Variants in TMEM144 observed in about 807,000 individuals in gnomAD.
TMEM144 encodes the protein transmembrane protein 144.
TMEM144 carries 39 observed loss-of-function variants against 43.6 expected under a neutral mutation model. The observed-to-expected ratio is 0.90, with a 90% confidence interval of 0.69 to 1.17. The LOEUF (loss-of-function observed/expected upper bound fraction) is 1.17, where lower values mean the gene tolerates loss of function less well. TMEM144 is among the 50% of genes most tolerant of loss of function. The pLI, the probability that TMEM144 is intolerant of heterozygous loss-of-function variation, is 0.00. For synonymous variants in TMEM144, 154 were observed against 133.6 expected (o/e 1.15, Z -1.06); for missense variants, 417 against 411.9 (o/e 1.01, Z -0.11).
In TMEM144 at chr4:158,246,844, TTTATATTAAAGCATTTGAAAATTA is replaced by T. The variant is rs1318968133; in HGVS notation, c.954+2498_954+2521del. Among the ~76,000 whole-genome samples the T allele has an allele frequency of 2.6e-5, 4 of 151,994 alleles. No homozygotes were observed. The East Asian group carries it at 7.7e-4, about 29-fold the overall frequency. ...TGAAGAAGTACAAACCAAGTATAGATTTATATTAAAGCATTTGAAAATTATTTTGGTCATGACTACAATAATAAT... is the reference window on the plus strand; with the variant it reads ...TGAAGAAGTACAAACCAAGTATAGATTTTTGGTCATGACTACAATAATAAT... On this transcript the variant is annotated intron_variant, in intron 12 of 12. Transcript: ENST00000296529.
chr4:158,241,607 G>C lies in TMEM144; in HGVS notation c.900+1G>C. The C allele has an allele frequency of 2.5e-6, 4 of 1,612,600 alleles. No individual in the cohort carries two copies. The highest frequency in any genetic ancestry group is 3.4e-6 in the Non-Finnish European group (4 of 1,178,790). ...GGTCAGTTTTCCAATAATCACTGCTGTAAGTAGCTGAACTGGTTTTCCTAA... is the reference window on the plus strand; with the variant it reads ...GGTCAGTTTTCCAATAATCACTGCTCTAAGTAGCTGAACTGGTTTTCCTAA... On this transcript the variant is annotated splice_donor_variant, in intron 11 of 12. Coordinates refer to ENST00000296529, the MANE Select transcript of TMEM144 (RefSeq NM_018342.5). LOFTEE classifies it high-confidence loss of function.
rs1735769934 is a variant in TMEM144 at position 158,244,282 on chromosome 4, T to C, written c.901-14T>C. 1.3e-6 allele frequency: 2 copies of C among 1,559,706 alleles called. No individual in the cohort carries two copies. Among genetic ancestry groups the C allele is most frequent in the Admixed American group, 1.8e-5 (1 of 55,420 alleles). ...AAATATCCAATTTAATTAAAATTTATATTTTTATTTAAGGGTCCAGGATTT... is the reference window on the plus strand; with the variant it reads ...AAATATCCAATTTAATTAAAATTTACATTTTTATTTAAGGGTCCAGGATTT... On this transcript the variant is annotated splice_polypyrimidine_tract_variant and intron_variant, in intron 11 of 12. Transcript: ENST00000296529.
In TMEM144 at chr4:158,235,461, C is replaced by G; in HGVS notation, c.519C>G (p.Pro173=). The stretch of plus-strand genomic sequence containing the variant: ...AGGTGATCAACACAACCCAAGACCC[C>G]TGTTCCTGGGTGGATAAACTTTCTA... The part of the protein sequence containing the change: ...TEHVINTTQD[P]CSWVDKLSTV... Residue 173 remains proline, a synonymous_variant, in exon 8 of 13, where the codon CCC becomes CCG. Coordinates refer to ENST00000296529, the MANE Select transcript of TMEM144 (RefSeq NM_018342.5). The G allele has an allele frequency of 6.2e-7, 1 of 1,614,022 alleles. No individual in the cohort carries two copies. Among genetic ancestry groups the G allele is most frequent in the Non-Finnish European group, 8.5e-7 (1 of 1,179,922 alleles).
intron 6 of TMEM144, among the ~76,000 whole-genome samples, chr4:158,229,598 A>G (rs1315619278): frequency 6.6e-6 from 1 of 152,132 alleles, no homozygotes; most frequent in South Asian, 2.1e-4. Context: ...CTACTGGAGG[A>G]AAGGCTAACT....
chr4:158,228,778 C>T (rs922860706), intron 6 of TMEM144, among the ~76,000 whole-genome samples: 3 of 152,154 alleles, frequency 2.0e-5, no homozygotes, highest in African/African-American at 7.2e-5. Flanking sequence ...GCAGACAAAA[C>T]TCCTCAGACA....
Position 158,242,876 on chromosome 4 carries a change from T to G in TMEM144, c.900+1270T>G, listed in dbSNP as rs999991433. Among the ~76,000 whole-genome samples, 3 of 152,326 alleles carry G rather than the reference T, an allele frequency of 2.0e-5. No individual in the cohort carries two copies. The South Asian group carries it at 6.2e-4, about 32-fold the overall frequency. ...AAATTACCAAAACTGTTGTATCTCC[T>G]ATGAAGATGTCCTTCCTATTTGGCT... On this transcript the variant is annotated intron_variant, in intron 11 of 12. Coordinates refer to ENST00000296529, the MANE Select transcript of TMEM144 (RefSeq NM_018342.5).
chr4:158,233,147 C>T, intron 7 of TMEM144, 165 bp downstream of exon 7: 1 of 516,700 alleles, frequency 1.9e-6, no homozygotes, highest in Non-Finnish European at 3.4e-6. Context: ...AGCAATCAAT[C>T]AATATTTCCG....
Position 158,244,352 on chromosome 4 carries a change from A to C in TMEM144, c.954+3A>C, listed in dbSNP as rs1295325745. The C allele has an allele frequency of 6.2e-7, 1 of 1,608,574 alleles. No individual in the cohort carries two copies. ...TCTTCATGTTTAAGGAAATAAAGGT[A>C]TGTACAAGAAAGGGCAGACTTAGAA... On this transcript the variant is annotated splice_donor_region_variant and intron_variant, in intron 12 of 12. Transcript: ENST00000296529.
rs545784416 is a variant in TMEM144, at chr4:158,217,303, T to A, written c.233-18T>A. On this transcript the variant is annotated intron_variant, in intron 4 of 12. Transcript: ENST00000296529. The stretch of plus-strand genomic sequence containing the variant: ...CTATATGGAAATAACATGTTTCTTC[T>A]GTATATTACATCTACAGGGAACATT... 9.0e-5 allele frequency: 136 copies of A among 1,515,924 alleles called. 1 individual carries two copies. The South Asian group carries it at 1.5e-3, about 16-fold the overall frequency. The allele number at this position is 1,515,924 out of a possible 1,614,324, so 93.9% of individuals were successfully genotyped here. A position where few individuals can be genotyped will look rare whatever the true frequency, so the allele number is the denominator to read the frequency against.
Position 158,223,759 on chromosome 4 carries a change from T to C in TMEM144, c.413+4369T>C, listed in dbSNP as rs1248367358. Among the ~76,000 whole-genome samples, 3 of 152,378 alleles carry C rather than the reference T, an allele frequency of 2.0e-5. No homozygotes were observed. In the East Asian group the frequency reaches 5.8e-4, roughly 29 times the overall value. On this transcript the variant is annotated intron_variant, in intron 6 of 12. Transcript: ENST00000296529. ...ACATGACCTCATTCCTCTTTATGGC[T>C]GCAAAGTATTCCATGGTGTATATGT... is the stretch of plus-strand genomic sequence containing the variant.
At position 158,254,339 on chromosome 4, in the gene TMEM144, A is replaced by G. The variant is rs1736367845; in HGVS notation, c.*812A>G. On this transcript the variant is annotated 3_prime_UTR_variant, in exon 13 of 13. Coordinates refer to ENST00000296529, the MANE Select transcript of TMEM144 (RefSeq NM_018342.5). ...AATGTACAACTTTTTTTTCTGAAAT[A>G]CACTTTTCTAAAACCCTCTTAACTG... The G allele has an allele frequency of 6.6e-6, 1 of 152,108 alleles. No individual in the cohort carries two copies. The highest frequency in any genetic ancestry group is 2.1e-4 in the South Asian group (1 of 4,830). The allele number at this position is 152,108 out of a possible 1,614,324, so 9.4% of individuals were successfully genotyped here.
Position 158,240,580 on chromosome 4 carries a change from C to G in TMEM144, c.802+162C>G, listed in dbSNP as rs1382544816. ...TGTGCATGTTCATTCCCCCTAATTA[C>G]TTTTGCCCAGTTCACCACCAAATAT... On this transcript the variant is annotated intron_variant, in intron 10 of 12. Transcript: ENST00000296529. Among the ~76,000 whole-genome samples, 12 of 152,096 alleles carry G rather than the reference C, an allele frequency of 7.9e-5. No homozygotes were observed. The East Asian group carries it at 2.3e-3, about 29-fold the overall frequency.
intron 11 of TMEM144, among the ~76,000 whole-genome samples, chr4:158,243,987 A>G (rs1393207542): frequency 1.3e-5 from 2 of 152,208 alleles, no homozygotes; most frequent in African/African-American, 4.8e-5. Flanking sequence ...AACTAGGCCA[A>G]TGGAAAAAAT....
chr4:158,224,214 G>A lies in TMEM144; in HGVS notation c.413+4824G>A, dbSNP rs183537223. 3.1e-3 allele frequency among the ~76,000 whole-genome samples: 476 copies of A among 152,280 alleles called. 11 individuals are homozygous for A. Among genetic ancestry groups the A allele is most frequent in the South Asian group, 0.021 (99 of 4,826 alleles). ...TGGTCATGCAAATGTCTTCTTTGGG[G>A]AAGTGTCTGTTCATATCCTTTGCCC... On this transcript the variant is annotated intron_variant, in intron 6 of 12. Transcript: ENST00000296529.
chr4:158,218,407 A>G (rs533592168), intron 5 of TMEM144, among the ~76,000 whole-genome samples: 4 of 152,218 alleles, frequency 2.6e-5, no homozygotes, highest in African/African-American at 9.6e-5. Flanking sequence ...TTTCCACTCA[A>G]AGCATTATAA....
chr4:158,212,710 T>C lies in TMEM144; in HGVS notation c.43T>C (p.Cys15Arg). ...AGACCTAACCTTTGGTTACATCTCC[T>C]GTTTTGTAGCTATCCTTTTGTTTGG... ...GADLTFGYIS[C>R]FVAILLFGSN... The change falls in exon 3 of 13, where the codon TGT becomes CGT. Residue 15 changes from cysteine (C) to arginine (R), a missense_variant. Transcript: ENST00000296529. The C allele has an allele frequency of 6.2e-7, 1 of 1,613,854 alleles. No homozygotes were observed. Among genetic ancestry groups the C allele is most frequent in the Non-Finnish European group, 8.5e-7 (1 of 1,179,884 alleles).
At chr4:158,239,902 T>C (rs1735541015) in intron 9 of TMEM144, among the ~76,000 whole-genome samples, 3 of 151,784 alleles carry the variant, frequency 2.0e-5, no homozygotes, top group Admixed American at 2.0e-4. Context: ...TTTTTTTTTT[T>C]TGAGACAGAG....
At chr4:158,233,144 A>C in intron 7 of TMEM144, 162 bp downstream of exon 7, 1 of 525,964 alleles carries the variant, frequency 1.9e-6, no homozygotes, top group Non-Finnish European at 3.4e-6. Context: ...TGTAGCAATC[A>C]ATCAATATTT....
At chr4:158,219,453 T>C (rs1734405059) in intron 6 of TMEM144, 63 bp downstream of exon 6, 1 of 1,440,988 alleles carries the variant, frequency 6.9e-7, no homozygotes, top group Non-Finnish European at 9.7e-7. Flanking sequence ...TTTTTAAGGA[T>C]CCTGCTATGT....
Sources: gnomAD v4.1 joint callset for allele counts (sites outside exome capture counted in the v4.1 genomes callset) on GRCh38, gnomAD v4.1.1 for gene constraint, MANE v1.5 for transcripts, NCBI Gene and HGNC (gene_info 2026-07-23, HGNC 2026-07-21) for gene names.